Variants in KCTD8 observed in about 807,000 individuals in gnomAD.
KCTD8 encodes the protein BTB/POZ domain-containing protein KCTD8.
Under a neutral mutation model 31.5 loss-of-function variants are expected in KCTD8, and 27 were observed. The ratio of observed to expected loss-of-function variants is 0.86; its 90% CI spans 0.63 to 1.18. KCTD8 has a LOEUF of 1.18. Ranked by LOEUF, KCTD8 falls within the 50% of genes most tolerant of loss-of-function variation. KCTD8 has a pLI of 0.00. For synonymous variants in KCTD8, 290 were observed against 280.0 expected, an observed-to-expected ratio of 1.04 and a Z score of -0.36; for missense variants, 658 against 647.7, an observed-to-expected ratio of 1.02 and a Z score of -0.17.
At chr4:44,303,735 C>A (rs1038734193) in intron 1 of KCTD8, among the ~76,000 whole-genome samples, 1 of 151,828 alleles carries the variant, frequency 6.6e-6, no homozygotes, top group African/African-American at 2.4e-5. Context: ...ATTGCTTGAG[C>A]CCAGGAGGCA....
chr4:44,243,300 G>A (rs1715558819), intron 1 of KCTD8, among the ~76,000 whole-genome samples: 1 of 152,130 alleles, frequency 6.6e-6, no homozygotes, highest in Non-Finnish European at 1.5e-5. Context: ...GTTCTGACAA[G>A]GTTATCCTGT....
intron 1 of KCTD8, among the ~76,000 whole-genome samples, chr4:44,234,484 G>A (rs917805156): frequency 2.6e-5 from 4 of 152,160 alleles, no homozygotes; most frequent in African/African-American, 4.8e-5. Flanking sequence ...GGCTTTTCAG[G>A]AAGAATACAG....
At chr4:44,335,527 C>A (rs981931598) in intron 1 of KCTD8, among the ~76,000 whole-genome samples, 3 of 151,970 alleles carry the variant, frequency 2.0e-5, no homozygotes, top group Admixed American at 6.6e-5. Flanking sequence ...GAGCCCAGAA[C>A]AATTTTCACT....
chr4:44,443,049 C>T (rs1471512582), intron 1 of KCTD8, among the ~76,000 whole-genome samples: 4 of 152,180 alleles, frequency 2.6e-5, no homozygotes, highest in Admixed American at 2.0e-4. Flanking sequence ...AAACTTTTTG[C>T]ACTCCAAGAT....
chr4:44,384,060 A>T (rs1720142771), intron 1 of KCTD8, among the ~76,000 whole-genome samples: 1 of 151,954 alleles, frequency 6.6e-6, no homozygotes, highest in Non-Finnish European at 1.5e-5. Context: ...ATATTTAAAA[A>T]ATGCTCAAAT....
At chr4:44,267,901 A>G (rs1716440419) in intron 1 of KCTD8, among the ~76,000 whole-genome samples, 2 of 152,198 alleles carry the variant, frequency 1.3e-5, no homozygotes, top group Non-Finnish European at 2.9e-5. Flanking sequence ...GCAATTATCA[A>G]TAGCTTACCA....
chr4:44,317,301 G>C (rs1181916222), intron 1 of KCTD8, among the ~76,000 whole-genome samples: 1 of 111,964 alleles, frequency 8.9e-6, no homozygotes, highest in Non-Finnish European at 1.7e-5. Context: ...CTGCAGTGGC[G>C]CAATCTCGGC....
chr4:44,356,987 C>CA (rs1289351980), intron 1 of KCTD8, among the ~76,000 whole-genome samples: 1 of 151,462 alleles, frequency 6.6e-6, no homozygotes. Context: ...CATGAAATTA[C>CA]AAGATATAAC....
chr4:44,180,600 C>A (rs920169207), intron 1 of KCTD8, among the ~76,000 whole-genome samples: 1 of 151,892 alleles, frequency 6.6e-6, no homozygotes, highest in African/African-American at 2.4e-5. Flanking sequence ...CACACACACA[C>A]ACACACACAC....
intron 1 of KCTD8, among the ~76,000 whole-genome samples, chr4:44,242,447 T>G (rs1430712300): frequency 6.6e-6 from 1 of 151,896 alleles, no homozygotes; most frequent in Non-Finnish European, 1.5e-5. Flanking sequence ...GCGCGGTGGC[T>G]GGCTCCTGTA....
intron 1 of KCTD8, among the ~76,000 whole-genome samples, chr4:44,273,467 G>A (rs780654610): frequency 6.6e-6 from 1 of 151,858 alleles, no homozygotes; most frequent in Non-Finnish European, 1.5e-5. Context: ...CTGAAAGACT[G>A]CAGAGGCTTG....
At chr4:44,183,806 G>A (rs1292823799) in intron 1 of KCTD8, among the ~76,000 whole-genome samples, 1 of 152,012 alleles carries the variant, frequency 6.6e-6, no homozygotes, top group Non-Finnish European at 1.5e-5. Flanking sequence ...GATAAAACAT[G>A]ATAGGTATGT....
intron 1 of KCTD8, among the ~76,000 whole-genome samples, chr4:44,176,849 A>C (rs1335631297): frequency 6.9e-6 from 1 of 144,268 alleles, no homozygotes; most frequent in African/African-American, 2.6e-5. Context: ...AACATAAAGT[A>C]TATATGTCTA....
chr4:44,282,227 C>G (rs915870293), intron 1 of KCTD8, among the ~76,000 whole-genome samples: 14 of 151,942 alleles, frequency 9.2e-5, no homozygotes, highest in Non-Finnish European at 1.8e-4. Context: ...CACTTTGTGT[C>G]TCTGTGTCAC....
At chr4:44,447,518 G>A in intron 1 of KCTD8, 45 bp downstream of exon 1, 18 of 1,477,738 alleles carry the variant, frequency 1.2e-5, no homozygotes, top group Non-Finnish European at 1.6e-5. Flanking sequence ...CGGCGGCTCA[G>A]CAGGGGGCGA....
chr4:44,187,154 A>C (rs1047389709), intron 1 of KCTD8, among the ~76,000 whole-genome samples: 7 of 152,234 alleles, frequency 4.6e-5, no homozygotes, highest in Non-Finnish European at 8.8e-5. Flanking sequence ...TATTAAAGAG[A>C]AATAAATTAC....
intron 1 of KCTD8, among the ~76,000 whole-genome samples, chr4:44,266,655 C>T (rs1378377552): frequency 2.7e-5 from 4 of 150,596 alleles, no homozygotes; most frequent in South Asian, 2.1e-4. Flanking sequence ...ACCCATCTCA[C>T]GTGCAGAGAC....
chr4:44,436,125 T>C (rs867255968), intron 1 of KCTD8, among the ~76,000 whole-genome samples: 4 of 152,044 alleles, frequency 2.6e-5, no homozygotes, highest in African/African-American at 4.8e-5. Flanking sequence ...CATCAACTGA[T>C]TAGTGGGGCA....
At chr4:44,312,666 C>T (rs190595767) in intron 1 of KCTD8, among the ~76,000 whole-genome samples, 106 of 152,240 alleles carry the variant, frequency 7.0e-4, no homozygotes, top group Middle Eastern at 6.8e-3. Context: ...GTTTGATATG[C>T]ATCCCTCCAT....
Sources: gnomAD v4.1 joint callset for allele counts (sites outside exome capture counted in the v4.1 genomes callset) on GRCh38, gnomAD v4.1.1 for gene constraint, MANE v1.5 for transcripts, NCBI Gene and HGNC (gene_info 2026-07-23, HGNC 2026-07-21) for gene names.